FARS2: variants seen among roughly 807,000 people sequenced by gnomAD.
FARS2 encodes the protein phenylalanine--tRNA ligase, mitochondrial.
In FARS2, 40 loss-of-function variants were observed where a neutral mutation model predicts 46.4. The observed-to-expected ratio is 0.86, with a 90% CI of 0.67 to 1.12. FARS2 has a LOEUF of 1.12. Among genes scored for constraint, FARS2 ranks in the 50% most tolerant of loss-of-function variants. The pLI, the probability that FARS2 is intolerant of heterozygous loss-of-function variation, is 0.00. For missense variants in FARS2, 513 were observed against 567.9 expected, an observed-to-expected ratio of 0.90 and a Z score of 0.98; for synonymous variants, 234 against 214.9, an observed-to-expected ratio of 1.09 and a Z score of -0.78.
chr6:5,698,785 T>A (rs1313947740), intron 6 of FARS2, among the ~76,000 whole-genome samples: 1 of 152,092 alleles, frequency 6.6e-6, no homozygotes, highest in African/African-American at 2.4e-5. Flanking sequence ...CCTGAGAATC[T>A]CTGTGAACTC....
chr6:5,396,381 T>C (rs1474772542), intron 2 of FARS2, among the ~76,000 whole-genome samples: 1 of 152,198 alleles, frequency 6.6e-6, no homozygotes, highest in Non-Finnish European at 1.5e-5. Context: ...TTTTGCATAA[T>C]CATTTGTAAA....
chr6:5,268,606 G>T (rs983799083), intron 1 of FARS2, among the ~76,000 whole-genome samples: 1 of 152,004 alleles, frequency 6.6e-6, no homozygotes, highest in African/African-American at 2.4e-5. Context: ...GGTTATTGTA[G>T]CCTGGTAGTA....
At chr6:5,718,675 T>A (rs1009331094) in intron 6 of FARS2, among the ~76,000 whole-genome samples, 2 of 152,118 alleles carry the variant, frequency 1.3e-5, no homozygotes, top group Admixed American at 1.3e-4. Context: ...CCCTTTTCCC[T>A]CCCAATTTGC....
chr6:5,296,965 A>G (rs992411806), intron 1 of FARS2, among the ~76,000 whole-genome samples: 2 of 152,226 alleles, frequency 1.3e-5, no homozygotes, highest in Non-Finnish European at 2.9e-5. Context: ...TGATCATATG[A>G]TAATTCTATG....
intron 1 of FARS2, among the ~76,000 whole-genome samples, chr6:5,317,098 C>G (rs1769577260): frequency 6.6e-6 from 1 of 152,144 alleles, no homozygotes; most frequent in South Asian, 2.1e-4. Flanking sequence ...AAAAGTAATG[C>G]AAGGGTTAAA....
chr6:5,554,422 G>T (rs1357410870), intron 5 of FARS2, among the ~76,000 whole-genome samples: 2 of 152,152 alleles, frequency 1.3e-5, no homozygotes, highest in Non-Finnish European at 2.9e-5. Context: ...GGTCAGTCAT[G>T]CCTAGAGTCC....
At chr6:5,365,209 C>G (rs1030503619) in intron 1 of FARS2, among the ~76,000 whole-genome samples, 1 of 150,344 alleles carries the variant, frequency 6.7e-6, no homozygotes, top group Non-Finnish European at 1.5e-5. Context: ...TATTTAAAAA[C>G]ACATTGATGT....
Position 5,639,235 on chromosome 6 carries a change from G to A in FARS2, c.1217+25915G>A, listed in dbSNP as rs150672987. ...CCACATATTTCAAAGCAAGGTACTG[G>A]ATTTTTCATTTTGACATGTGTTTCT... On this transcript the variant is annotated intron_variant, in intron 6 of 6. Coordinates refer to ENST00000274680, the MANE Select transcript of FARS2 (RefSeq NM_006567.5). Among the ~76,000 whole-genome samples the A allele has an allele frequency of 2.0e-5, 3 of 152,318 alleles. No homozygotes were observed. The East Asian group carries it at 5.8e-4, about 29-fold the overall frequency.
At chr6:5,418,999 C>T (rs1762396377) in intron 3 of FARS2, among the ~76,000 whole-genome samples, 2 of 151,674 alleles carry the variant, frequency 1.3e-5, no homozygotes, top group African/African-American at 4.8e-5. Context: ...CCTTCTGGAC[C>T]TTCCTTCCTG....
rs376835051 is a variant in FARS2 at position 5,690,785 on chromosome 6, C to T, written c.1217+77465C>T. Reference sequence around the variant, plus strand: ...AGAAGTTCTCCTGGATAATATCCTGCGGAGTGTTTTCCAACTTGGTTCCAT... The same window carrying T: ...AGAAGTTCTCCTGGATAATATCCTGTGGAGTGTTTTCCAACTTGGTTCCAT... On this transcript the variant is annotated intron_variant, in intron 6 of 6. Transcript: ENST00000274680. 5.4e-4 allele frequency among the ~76,000 whole-genome samples: 82 copies of T among 152,330 alleles called. No individual in the cohort carries two copies. In the Middle Eastern group the frequency reaches 0.017, roughly 32 times the overall value.
chr6:5,299,244 C>T (rs1768112600), intron 1 of FARS2, among the ~76,000 whole-genome samples: 1 of 152,186 alleles, frequency 6.6e-6, no homozygotes, highest in African/African-American at 2.4e-5. Context: ...GAAGGTTTCT[C>T]ATTTAGACTG....
chr6:5,748,301 A>G (rs1348541294), intron 6 of FARS2, among the ~76,000 whole-genome samples: 2 of 152,190 alleles, frequency 1.3e-5, no homozygotes, highest in Non-Finnish European at 2.9e-5. Context: ...GCTAGAAATA[A>G]GTGTGTCTCA....
chr6:5,566,293 C>T (rs911025852), intron 5 of FARS2, among the ~76,000 whole-genome samples: 8 of 152,122 alleles, frequency 5.3e-5, no homozygotes, highest in African/African-American at 1.9e-4. Context: ...TGATTTATAA[C>T]TACTATCAGC....
At chr6:5,490,552 G>A (rs1561658665) in intron 4 of FARS2, among the ~76,000 whole-genome samples, 1 of 152,202 alleles carries the variant, frequency 6.6e-6, no homozygotes, top group Non-Finnish European at 1.5e-5. Flanking sequence ...GCTTCCTTGG[G>A]CTTGTGCCAG....
intron 5 of FARS2, among the ~76,000 whole-genome samples, chr6:5,554,956 G>C (rs1771571678): frequency 6.6e-6 from 1 of 151,926 alleles, no homozygotes; most frequent in African/African-American, 2.4e-5. Flanking sequence ...GGTTTGTCAA[G>C]AGACACTTAT....
chr6:5,561,815 A>G (rs1359664937), intron 5 of FARS2, among the ~76,000 whole-genome samples: 2 of 151,950 alleles, frequency 1.3e-5, no homozygotes, highest in African/African-American at 2.4e-5. Context: ...GTTATCAGTT[A>G]TCTTAACTAT....
chr6:5,627,716 C>A (rs1776103789), intron 6 of FARS2, among the ~76,000 whole-genome samples: 1 of 152,168 alleles, frequency 6.6e-6, no homozygotes, highest in African/African-American at 2.4e-5. Flanking sequence ...GTACTCAATA[C>A]GTATTTTTGA....
intron 3 of FARS2, among the ~76,000 whole-genome samples, chr6:5,417,608 CTTT>C (rs1762314342): frequency 2.6e-5 from 4 of 152,130 alleles, no homozygotes; most frequent in African/African-American, 4.8e-5. Context: ...CTTAACTTTG[CTTT>C]TGTCTTTGTT....
intron 6 of FARS2, among the ~76,000 whole-genome samples, chr6:5,620,238 A>G (rs1038259346): frequency 1.3e-5 from 2 of 152,124 alleles, no homozygotes; most frequent in Admixed American, 6.6e-5. Context: ...ACACATGACA[A>G]CTAAAAATAT....
Sources: gnomAD v4.1 joint callset for allele counts (sites outside exome capture counted in the v4.1 genomes callset) on GRCh38, gnomAD v4.1.1 for gene constraint, MANE v1.5 for transcripts, NCBI Gene and HGNC (gene_info 2026-07-23, HGNC 2026-07-21) for gene names.